The following UNC5D variants were observed in gnomAD, a reference collection of about 807,000 sequenced individuals.
UNC5D encodes netrin receptor UNC5D.
In UNC5D, 39 loss-of-function variants were observed where a neutral mutation model predicts 105.4. That is an observed-to-expected ratio of 0.37 (90% CI 0.29 to 0.48). The LOEUF (loss-of-function observed/expected upper bound fraction) is 0.48. UNC5D is among the 20% of genes least tolerant of loss of function. UNC5D has a pLI of 0.98. For synonymous variants in UNC5D, 452 were observed against 450.4 expected, an observed-to-expected ratio of 1.00 and a Z score of -0.04; for missense variants, 991 against 1,202.4, an observed-to-expected ratio of 0.82 and a Z score of 2.60.
intron 1 of UNC5D, among the ~76,000 whole-genome samples, chr8:35,303,561 A>T (rs1462997982): frequency 2.0e-5 from 3 of 152,200 alleles, no homozygotes; most frequent in African/African-American, 7.2e-5. Context: ...TCATGATTTT[A>T]TCTCTAACTT....
At chr8:35,350,063 T>A (rs1416737748) in intron 1 of UNC5D, among the ~76,000 whole-genome samples, 1 of 151,698 alleles carries the variant, frequency 6.6e-6, no homozygotes, top group Non-Finnish European at 1.5e-5. Flanking sequence ...TTTAATAAAT[T>A]AATTTATTTT....
At chr8:35,378,665 A>C (rs1802844646) in intron 1 of UNC5D, among the ~76,000 whole-genome samples, 1 of 152,200 alleles carries the variant, frequency 6.6e-6, no homozygotes, top group Non-Finnish European at 1.5e-5. Flanking sequence ...CCACACAGAC[A>C]TGGTGCCTAC....
intron 1 of UNC5D, among the ~76,000 whole-genome samples, chr8:35,547,277 A>G (rs1168535568): frequency 1.4e-5 from 2 of 144,422 alleles, no homozygotes; most frequent in African/African-American, 5.3e-5. Flanking sequence ...CCTCAACAGA[A>G]CATTACTCTT....
At position 35,686,720 on chromosome 8, in the gene UNC5D, T is replaced by G. The variant is rs755520538; in HGVS notation, c.1084+11T>G. The G allele has an allele frequency of 1.9e-6, 3 of 1,568,458 alleles. No homozygotes were observed. The Admixed American group carries it at 5.8e-5, about 30-fold the overall frequency. Reference sequence around the variant, plus strand: ...GTCTTTGCATCCTAGGTAACACTTTTGCTTTAACATCTTCAGTGTTTGTTC... The same window carrying G: ...GTCTTTGCATCCTAGGTAACACTTTGGCTTTAACATCTTCAGTGTTTGTTC... On this transcript the variant is annotated intron_variant, in intron 7 of 16. Coordinates refer to ENST00000404895, the MANE Select transcript of UNC5D (RefSeq NM_080872.4).
At chr8:35,692,662 C>A (rs548436204) in intron 7 of UNC5D, among the ~76,000 whole-genome samples, 1 of 152,226 alleles carries the variant, frequency 6.6e-6, no homozygotes, top group Admixed American at 6.5e-5. Context: ...CCAGCTGAAC[C>A]AGCCACACTG....
intron 4 of UNC5D, among the ~76,000 whole-genome samples, chr8:35,659,135 CCTT>C (rs1215370454): frequency 2.0e-5 from 3 of 151,962 alleles, no homozygotes; most frequent in African/African-American, 7.3e-5. Flanking sequence ...TTTTTTTCCC[CCTT>C]CTTGAGCTGT....
At chr8:35,537,147 A>G (rs962446626) in intron 1 of UNC5D, among the ~76,000 whole-genome samples, 3 of 152,244 alleles carry the variant, frequency 2.0e-5, no homozygotes. Context: ...TGTAAAACAT[A>G]AAACTTAAAT....
chr8:35,775,890 C>T (rs7838726), intron 16 of UNC5D, among the ~76,000 whole-genome samples: 6,834 of 151,460 alleles, frequency 0.045, 384 homozygotes, highest in African/African-American at 0.13. Context: ...CAGGCAAGCC[C>T]GAAAAGAATA....
At chr8:35,634,137 T>C (rs1822213471) in intron 4 of UNC5D, among the ~76,000 whole-genome samples, 1 of 152,220 alleles carries the variant, frequency 6.6e-6, no homozygotes, top group South Asian at 2.1e-4. Context: ...TGTAGGGTGT[T>C]GTTAACATTT....
intron 1 of UNC5D, among the ~76,000 whole-genome samples, chr8:35,394,576 T>C (rs1803985323): frequency 6.6e-6 from 1 of 152,030 alleles, no homozygotes; most frequent in Non-Finnish European, 1.5e-5. Flanking sequence ...ATGATGAGCA[T>C]TTATTTTCAT....
chr8:35,312,341 G>A (rs1164781099), intron 1 of UNC5D, among the ~76,000 whole-genome samples: 1 of 152,122 alleles, frequency 6.6e-6, no homozygotes, highest in Admixed American at 6.6e-5. Flanking sequence ...ACTACTGTAG[G>A]CAAGTCAAAC....
intron 3 of UNC5D, among the ~76,000 whole-genome samples, chr8:35,577,905 G>A (rs1232085669): frequency 6.6e-6 from 1 of 152,100 alleles, no homozygotes; most frequent in African/African-American, 2.4e-5. Flanking sequence ...ATAGGCCCAG[G>A]AGACTACATC....
At position 35,783,707 on chromosome 8, in the gene UNC5D, A is replaced by G. The variant is rs927102631; in HGVS notation, c.2658-6652A>G. Reference sequence around the variant, plus strand: ...CTAAAATATTTGCATTTGAATACTCAGGGATTTGGGAAGATCTGAAAGCTT... The same window carrying G: ...CTAAAATATTTGCATTTGAATACTCGGGGATTTGGGAAGATCTGAAAGCTT... On this transcript the variant is annotated intron_variant, in intron 16 of 16. Transcript: ENST00000404895. Among the ~76,000 whole-genome samples, 5 of 152,292 alleles carry G rather than the reference A, an allele frequency of 3.3e-5. No homozygotes were observed. The East Asian group carries it at 7.7e-4, about 24-fold the overall frequency.
intron 2 of UNC5D, among the ~76,000 whole-genome samples, chr8:35,552,698 T>C (rs1816253554): frequency 6.6e-6 from 1 of 152,136 alleles, no homozygotes; most frequent in Admixed American, 6.5e-5. Context: ...AGAGAACAAA[T>C]TGAATCTTGG....
chr8:35,343,282 T>G (rs888283221), intron 1 of UNC5D, among the ~76,000 whole-genome samples: 21 of 152,142 alleles, frequency 1.4e-4, no homozygotes, highest in Admixed American at 1.2e-3. Context: ...AATCATACTT[T>G]AAATTGTACC....
chr8:35,434,262 G>T (rs1227334483), intron 1 of UNC5D, among the ~76,000 whole-genome samples: 1 of 151,904 alleles, frequency 6.6e-6, no homozygotes, highest in Non-Finnish European at 1.5e-5. Flanking sequence ...AAATAAATTT[G>T]GTAACATTTT....
At chr8:35,387,331 C>T (rs1368314035) in intron 1 of UNC5D, among the ~76,000 whole-genome samples, 1 of 141,358 alleles carries the variant, frequency 7.1e-6, no homozygotes, top group Non-Finnish European at 1.5e-5. Flanking sequence ...CCACTGCACT[C>T]CAGCCTGGGC....
intron 1 of UNC5D, among the ~76,000 whole-genome samples, chr8:35,269,242 G>C (rs1805101656): frequency 6.6e-6 from 1 of 152,140 alleles, no homozygotes. Flanking sequence ...ACTATTCTCA[G>C]CCTAGCCCTA....
chr8:35,589,588 A>G (rs963370115), intron 3 of UNC5D, among the ~76,000 whole-genome samples: 2 of 152,164 alleles, frequency 1.3e-5, no homozygotes, highest in Non-Finnish European at 2.9e-5. Context: ...AGGGTCAATT[A>G]TAGAATATTT....
Sources: allele counts gnomAD v4.1 joint callset (sites outside exome capture counted in the v4.1 genomes callset), GRCh38; gene constraint gnomAD v4.1.1; transcripts MANE v1.5; gene names NCBI Gene and HGNC (gene_info 2026-07-23, HGNC 2026-07-21).